The following ANO4 variants were observed in gnomAD, a reference collection of about 807,000 sequenced individuals.
The protein encoded by ANO4 is anoctamin 4.
A neutral mutation model predicts 141.9 loss-of-function variants in ANO4; 69 were observed. That is an observed-to-expected ratio of 0.49 (90% confidence interval 0.40 to 0.59). The LOEUF (loss-of-function observed/expected upper bound fraction) is 0.59, where lower values mean the gene tolerates loss of function less well. ANO4 is among the 20% of genes least tolerant of loss of function. The pLI, the probability that ANO4 is intolerant of heterozygous loss-of-function variation, is 0.00. For missense variants in ANO4, 894 were observed against 1,162.2 expected, an observed-to-expected ratio of 0.77 and a Z score of 3.36; for synonymous variants, 350 against 394.3, an observed-to-expected ratio of 0.89 and a Z score of 1.33.
intron 19 of ANO4, among the ~76,000 whole-genome samples, 176 bp downstream of exon 19, chr12:101,096,823 A>G (rs2050004247): frequency 6.6e-6 from 1 of 152,146 alleles, no homozygotes; most frequent in African/African-American, 2.4e-5. Flanking sequence ...TCCCAGGGAA[A>G]TCATCTCCAC....
At chr12:100,849,423 T>A (rs1220748535) in intron 1 of ANO4, among the ~76,000 whole-genome samples, 1 of 152,220 alleles carries the variant, frequency 6.6e-6, no homozygotes, top group Non-Finnish European at 1.5e-5. Context: ...CAGCCACCAA[T>A]TTCTCCAACC....
rs1167810704 is a variant in ANO4, at chr12:101,040,036, T to TG, written c.983dup (p.Val329ArgfsTer4). On this transcript the variant is annotated frameshift_variant, in exon 11 of 28. Transcript: ENST00000392977. LOFTEE classifies it high-confidence loss of function. ...TCTACTCTATGAGTGCTGGGCCTCC[T>TG]GGGGCGTGTGGTATAAATACCAACC... The TG allele has an allele frequency of 6.2e-7, 1 of 1,613,292 alleles. No individual in the cohort carries two copies. The highest frequency in any genetic ancestry group is 1.7e-5 in the Admixed American group (1 of 59,982).
chr12:100,939,550 C>A, intron 4 of ANO4, 99 bp downstream of exon 4: 2 of 1,287,992 alleles, frequency 1.6e-6, no homozygotes. Flanking sequence ...TCTCATTGAA[C>A]TGTAGGCTCT....
rs76539786 is a variant in ANO4 at position 100,958,558 on chromosome 12, A to C, written c.457-12748A>C. 3.1e-3 allele frequency among the ~76,000 whole-genome samples: 473 copies of C among 152,308 alleles called. 5 individuals are homozygous for C. The highest frequency in any genetic ancestry group is 0.01 in the African/African-American group (419 of 41,570). On this transcript the variant is annotated intron_variant, in intron 5 of 27. Coordinates refer to ENST00000392977, the MANE Select transcript of ANO4 (RefSeq NM_001286615.2). ...ATAATACAGTATGTTAGAAGGTGAT[A>C]AATAGAGGGCCAGGTGCAGTGGCTC...
intron 1 of ANO4, among the ~76,000 whole-genome samples, chr12:100,810,138 G>A (rs745982365): frequency 3.3e-5 from 5 of 152,034 alleles, no homozygotes; most frequent in Non-Finnish European, 5.9e-5. Context: ...GAAAGGGAAA[G>A]GGAACATGGT....
intron 1 of ANO4, among the ~76,000 whole-genome samples, chr12:100,723,514 G>A (rs1260184378): frequency 6.6e-6 from 1 of 152,154 alleles, no homozygotes; most frequent in Non-Finnish European, 1.5e-5. Context: ...TGAACAAGAA[G>A]ATAGAAGAGA....
chr12:100,996,343 G>T (rs192391002), intron 8 of ANO4, among the ~76,000 whole-genome samples: 1 of 152,282 alleles, frequency 6.6e-6, no homozygotes, highest in Non-Finnish European at 1.5e-5. Context: ...AAGAAAAAGC[G>T]CTAACAATGG....
chr12:101,007,524 A>C (rs566105037), intron 8 of ANO4, among the ~76,000 whole-genome samples: 1 of 152,312 alleles, frequency 6.6e-6, no homozygotes, highest in East Asian at 1.9e-4. Context: ...AAGAATTCTA[A>C]GGCTTAGAGA....
At chr12:100,793,218 TGAG>T (rs1334863308), upstream of ANO4, among the ~76,000 whole-genome samples, 1 of 152,228 alleles carries the variant, frequency 6.6e-6, no homozygotes, top group African/African-American at 2.4e-5. Context: ...TGAGTTGAAC[TGAG>T]GAGAATAACA....
chr12:100,903,351 T>C (rs1220792498), intron 2 of ANO4, among the ~76,000 whole-genome samples: 2 of 152,200 alleles, frequency 1.3e-5, no homozygotes, highest in Non-Finnish European at 2.9e-5. Flanking sequence ...AGCATCTCTT[T>C]CCTCCTCTTG....
At chr12:101,011,820 A>T (rs949599561) in intron 8 of ANO4, among the ~76,000 whole-genome samples, 4 of 152,228 alleles carry the variant, frequency 2.6e-5, no homozygotes, top group Non-Finnish European at 5.9e-5. Flanking sequence ...GAGGTCAATA[A>T]TGTGACTATA....
chr12:101,099,965 T>G (rs1263262703), intron 22 of ANO4, among the ~76,000 whole-genome samples: 1 of 152,180 alleles, frequency 6.6e-6, no homozygotes, highest in Non-Finnish European at 1.5e-5. Context: ...GGAAGTAAAT[T>G]ATCTGGGTTC....
At chr12:101,046,488 TC>T (rs2047636280) in intron 13 of ANO4, among the ~76,000 whole-genome samples, 1 of 152,126 alleles carries the variant, frequency 6.6e-6, no homozygotes, top group African/African-American at 2.4e-5. Flanking sequence ...AACCTACCTC[TC>T]CCCACACACC....
intron 3 of ANO4, among the ~76,000 whole-genome samples, chr12:100,934,015 A>G (rs2042189534): frequency 6.6e-6 from 1 of 152,174 alleles, no homozygotes; most frequent in Non-Finnish European, 1.5e-5. Flanking sequence ...TCAGATGGGT[A>G]GATTGCAAAA....
At chr12:100,975,074 C>G (rs1380848824) in intron 7 of ANO4, among the ~76,000 whole-genome samples, 185 bp downstream of exon 7, 3 of 152,140 alleles carry the variant, frequency 2.0e-5, no homozygotes, top group Non-Finnish European at 4.4e-5. Context: ...AAACGTCCCT[C>G]TCCGCGTCTT....
rs143621073 is a variant in ANO4 at position 100,780,124 on chromosome 12, T to C, written c.358+40019T>C. On this transcript the variant is annotated intron_variant, in intron 3 of 29. Coordinates refer to the ANO4 transcript ENST00000644049. ...CTGCAGCCTCGAAATCCTGGACTAATGCAATCCTCTTGCCTTAGCCTCCCC... is the reference window on the plus strand; with the variant it reads ...CTGCAGCCTCGAAATCCTGGACTAACGCAATCCTCTTGCCTTAGCCTCCCC... 4.9e-3 allele frequency among the ~76,000 whole-genome samples: 753 copies of C among 152,216 alleles called. 11 individuals carry two copies. The highest frequency in any genetic ancestry group is 0.017 in the African/African-American group (692 of 41,526).
intron 3 of ANO4, among the ~76,000 whole-genome samples, chr12:100,930,263 A>G (rs1487320838): frequency 6.6e-6 from 1 of 152,074 alleles, no homozygotes; most frequent in Non-Finnish European, 1.5e-5. Flanking sequence ...GCCCAGTCCA[A>G]TGTTCTGGAG....
intron 25 of ANO4, 28 bp downstream of exon 25, chr12:101,116,826 CCTGAGCTGGGCT>C (rs1263565242): frequency 3.1e-5 from 50 of 1,613,556 alleles, no homozygotes; most frequent in Middle Eastern, 1.7e-4. Flanking sequence ...CGTGGCTCTG[CCTGAGCTGGGCT>C]GGCTCCACCG....
intron 1 of ANO4, among the ~76,000 whole-genome samples, chr12:100,891,901 TCTC>T (rs1231829779): frequency 2.6e-5 from 4 of 152,110 alleles, no homozygotes; most frequent in Non-Finnish European, 5.9e-5. Context: ...TTGACCAACA[TCTC>T]CACAACTGAG....
Sources: gnomAD v4.1 joint callset for allele counts (sites outside exome capture counted in the v4.1 genomes callset) on GRCh38, gnomAD v4.1.1 for gene constraint, MANE v1.5 for transcripts, NCBI Gene and HGNC (gene_info 2026-07-23, HGNC 2026-07-21) for gene names.